Variants in PRKN observed in about 807,000 individuals in gnomAD.
PRKN encodes the protein E3 ubiquitin-protein ligase parkin.
In PRKN, 56 loss-of-function variants were observed where a neutral mutation model predicts 59.5. That is an observed-to-expected ratio of 0.94 (90% CI 0.76 to 1.18). The LOEUF (loss-of-function observed/expected upper bound fraction) is 1.18, where lower values mean the gene tolerates loss of function less well. Ranked by LOEUF, PRKN falls within the 50% of genes most tolerant of loss-of-function variation. The probability of loss-of-function intolerance (pLI) is 0.00; values close to 1 mark genes in which losing one functional copy is unlikely to be tolerated. For synonymous variants in PRKN, 250 were observed against 222.1 expected (o/e 1.13, Z -1.12); for missense variants, 657 against 596.4 (o/e 1.10, Z -1.06).
chr6:161,846,745 T>C (rs964758079), intron 6 of PRKN, among the ~76,000 whole-genome samples: 5 of 152,208 alleles, frequency 3.3e-5, no homozygotes, highest in African/African-American at 1.2e-4. Flanking sequence ...AATTCCATCA[T>C]GTAGAAAAAG....
chr6:161,828,651 C>T (rs1256057244), intron 6 of PRKN, among the ~76,000 whole-genome samples: 4 of 152,134 alleles, frequency 2.6e-5, no homozygotes, highest in Non-Finnish European at 4.4e-5. Context: ...GCAGAACAGG[C>T]CAGGCACTCT....
chr6:161,788,988 T>A (rs554508401), intron 6 of PRKN, among the ~76,000 whole-genome samples: 2 of 152,284 alleles, frequency 1.3e-5, no homozygotes, highest in African/African-American at 4.8e-5. Flanking sequence ...GCTGCCTTTA[T>A]ACACACACAC....
intron 5 of PRKN, among the ~76,000 whole-genome samples, chr6:162,003,815 G>T (rs1352008163): frequency 6.6e-6 from 1 of 152,060 alleles, no homozygotes; most frequent in East Asian, 1.9e-4. Context: ...AAGTCAATTA[G>T]GTCCTGTTGA....
chr6:162,435,563 G>A (rs1016262672), intron 2 of PRKN, among the ~76,000 whole-genome samples: 1 of 152,192 alleles, frequency 6.6e-6, no homozygotes, highest in Non-Finnish European at 1.5e-5. Context: ...TTCCCAAAGT[G>A]AGCATTTGCC....
chr6:162,144,305 T>C (rs1394291258), intron 4 of PRKN, among the ~76,000 whole-genome samples: 1 of 152,218 alleles, frequency 6.6e-6, no homozygotes. Flanking sequence ...GATTTTAATA[T>C]TCATGACTCA....
Position 162,182,417 on chromosome 6 carries a change from G to C in PRKN, c.534+18714C>G, listed in dbSNP as rs560233171. 8.8e-4 allele frequency among the ~76,000 whole-genome samples: 134 copies of C among 152,306 alleles called. 3 individuals carry two copies. In the South Asian group the frequency reaches 0.026, roughly 30 times the overall value. On this transcript the variant is annotated intron_variant, in intron 4 of 11. Transcript: ENST00000366898. ...CTCAGCCTGAGGACAAGTGGCACTA[G>C]CTGTAGTTGCCGTCAGGCTGAAGCC...
At chr6:161,516,563 C>G (rs1405160644) in intron 9 of PRKN, among the ~76,000 whole-genome samples, 2 of 149,382 alleles carry the variant, frequency 1.3e-5, no homozygotes, top group Non-Finnish European at 1.5e-5. Flanking sequence ...TATGGTGGCT[C>G]ACGCCTGCAA....
chr6:162,374,572 T>C (rs1390977225), intron 2 of PRKN, among the ~76,000 whole-genome samples: 1 of 151,998 alleles, frequency 6.6e-6, no homozygotes, highest in Non-Finnish European at 1.5e-5. Flanking sequence ...TATTCATTTA[T>C]TGGATAGGTG....
chr6:161,580,415 T>C (rs527377379), intron 7 of PRKN, among the ~76,000 whole-genome samples: 1 of 152,234 alleles, frequency 6.6e-6, no homozygotes, highest in East Asian at 1.9e-4. Context: ...TCCAGACAGT[T>C]AAATCCAGCC....
chr6:161,706,410 C>T (rs7770757), intron 7 of PRKN, among the ~76,000 whole-genome samples: 57,530 of 152,046 alleles, frequency 0.38, 10,977 homozygotes, highest in South Asian at 0.5. Flanking sequence ...CCCGGGTTCA[C>T]GCCTCTCAAA....
intron 1 of PRKN, among the ~76,000 whole-genome samples, chr6:162,469,277 A>G (rs1407845578): frequency 3.5e-5 from 5 of 142,946 alleles, no homozygotes. Context: ...CCTTGCTGCA[A>G]CAGCCAATGG....
intron 7 of PRKN, among the ~76,000 whole-genome samples, chr6:161,619,719 A>G (rs1241275174): frequency 6.6e-6 from 1 of 152,146 alleles, no homozygotes; most frequent in Non-Finnish European, 1.5e-5. Context: ...GTACCCTCCA[A>G]TATGGTAGCT....
chr6:162,321,667 G>A (rs1783029810), intron 2 of PRKN, among the ~76,000 whole-genome samples: 1 of 152,008 alleles, frequency 6.6e-6, no homozygotes. Context: ...CATTGTGACT[G>A]AATGGGGTTT....
chr6:161,436,260 C>A (rs1788895661), intron 9 of PRKN, among the ~76,000 whole-genome samples: 1 of 67,126 alleles, frequency 1.5e-5, no homozygotes, highest in Non-Finnish European at 2.7e-5. Flanking sequence ...GATGTGAGGG[C>A]AGAGAGCAGG....
intron 6 of PRKN, among the ~76,000 whole-genome samples, chr6:161,863,609 T>C (rs1044255870): frequency 6.6e-6 from 1 of 152,142 alleles, no homozygotes; most frequent in Admixed American, 6.5e-5. Context: ...GTATGACAAT[T>C]AACCCAGTCA....
In PRKN at chr6:161,823,603, ACAGATTTGCTTTAAGAGAAAAT is replaced by A. The variant is rs560097548; in HGVS notation, c.735-37717_735-37696del. 6.0e-3 allele frequency among the ~76,000 whole-genome samples: 920 copies of A among 152,358 alleles called. 10 individuals are homozygous for A. The highest frequency in any genetic ancestry group is 0.027 in the Middle Eastern group (8 of 294). ...TTTCATTGGCCGAAAGGATGGTATT[ACAGATTTGCTTTAAGAGAAAAT>A]AATCTCAAAATCTCATCTTTTAAAA... On this transcript the variant is annotated intron_variant, in intron 6 of 11. Coordinates refer to ENST00000366898, the MANE Select transcript of PRKN (RefSeq NM_004562.3).
chr6:161,812,485 G>C (rs910503500), intron 6 of PRKN, among the ~76,000 whole-genome samples: 7 of 152,106 alleles, frequency 4.6e-5, no homozygotes, highest in African/African-American at 1.4e-4. Context: ...TCTGAGAAAG[G>C]ACCTATGTTG....
intron 9 of PRKN, among the ~76,000 whole-genome samples, chr6:161,515,400 T>C (rs779939307): frequency 6.6e-6 from 1 of 152,266 alleles, no homozygotes; most frequent in Non-Finnish European, 1.5e-5. Flanking sequence ...ATTGTACTCA[T>C]AGTAAATGTA....
At chr6:162,482,093 A>G (rs1293134372) in intron 1 of PRKN, among the ~76,000 whole-genome samples, 1 of 152,150 alleles carries the variant, frequency 6.6e-6, no homozygotes, top group Non-Finnish European at 1.5e-5. Flanking sequence ...CACTGCCCAG[A>G]ATAACTATGT....
Sources: allele counts gnomAD v4.1 joint callset (sites outside exome capture counted in the v4.1 genomes callset), GRCh38; gene constraint gnomAD v4.1.1; transcripts MANE v1.5; gene names NCBI Gene and HGNC (gene_info 2026-07-23, HGNC 2026-07-21).